The following CCSER1 variants were observed in gnomAD, a reference collection of about 807,000 sequenced individuals.
CCSER1 encodes coiled-coil serine rich protein 1.
Under a neutral mutation model 82.0 loss-of-function variants are expected in CCSER1, and 41 were observed. The observed-to-expected ratio is 0.50, with a 90% CI of 0.39 to 0.65. The LOEUF (loss-of-function observed/expected upper bound fraction) is 0.65, where lower values mean the gene tolerates loss of function less well. Among genes scored for constraint, CCSER1 ranks in the 30% least tolerant of loss-of-function variants. CCSER1 has a pLI of 0.00. For synonymous variants in CCSER1, 414 were observed against 383.9 expected (o/e 1.08, Z -0.92); for missense variants, 1,119 against 1,064.2 (o/e 1.05, Z -0.72).
At chr4:91,319,446 T>C (rs1023486655) in intron 10 of CCSER1, among the ~76,000 whole-genome samples, 1 of 152,004 alleles carries the variant, frequency 6.6e-6, no homozygotes, top group Non-Finnish European at 1.5e-5. Context: ...ATGTTCATTA[T>C]GTGTGAAGGT....
At chr4:90,835,053 G>A (rs769779852) in intron 8 of CCSER1, among the ~76,000 whole-genome samples, 1 of 151,574 alleles carries the variant, frequency 6.6e-6, no homozygotes, top group African/African-American at 2.4e-5. Flanking sequence ...CCTTTTTCTC[G>A]CTGGCCTGGT....
At chr4:91,180,291 C>T (rs1380045552) in intron 10 of CCSER1, among the ~76,000 whole-genome samples, 1 of 152,208 alleles carries the variant, frequency 6.6e-6, no homozygotes, top group Non-Finnish European at 1.5e-5. Flanking sequence ...TGTCCATTCT[C>T]AGATTTCAGA....
chr4:91,556,163 G>A (rs1490509412), intron 10 of CCSER1, among the ~76,000 whole-genome samples: 1 of 151,178 alleles, frequency 6.6e-6, no homozygotes, highest in African/African-American at 2.4e-5. Context: ...TGAAGGTCAG[G>A]CCCAAGAAAT....
chr4:90,653,483 G>A (rs1729155151), intron 6 of CCSER1, among the ~76,000 whole-genome samples: 1 of 151,850 alleles, frequency 6.6e-6, no homozygotes, highest in Non-Finnish European at 1.5e-5. Context: ...GAACCAATGA[G>A]ATAAATTAAT....
intron 6 of CCSER1, among the ~76,000 whole-genome samples, chr4:90,645,652 G>A (rs1240250138): frequency 2.6e-5 from 4 of 152,068 alleles, no homozygotes; most frequent in African/African-American, 9.7e-5. Flanking sequence ...TTAACTCTTG[G>A]TTTATGGTTT....
rs146395222 is a variant in CCSER1 at position 91,315,074 on chromosome 4, A to T, written c.2217+229080A>T. Among the ~76,000 whole-genome samples, 354 of 151,920 alleles carry T rather than the reference A, an allele frequency of 2.3e-3. 1 individual carries two copies. The highest frequency in any genetic ancestry group is 7.9e-3 in the African/African-American group (329 of 41,478). On this transcript the variant is annotated intron_variant, in intron 10 of 10. Transcript: ENST00000509176. ...GCCTCAGGATTCTCTCTACTAGGGG[A>T]TGAGGAAACTGTAGTATTTATTTAC...
chr4:91,345,931 A>T (rs1430849746), intron 10 of CCSER1, among the ~76,000 whole-genome samples: 6 of 152,164 alleles, frequency 3.9e-5, no homozygotes, highest in Non-Finnish European at 8.8e-5. Context: ...TGTTGAAATC[A>T]TAAGAGTATA....
At chr4:91,553,849 TA>T (rs1012034969) in intron 10 of CCSER1, among the ~76,000 whole-genome samples, 2 of 150,828 alleles carry the variant, frequency 1.3e-5, no homozygotes, top group Non-Finnish European at 3.0e-5. Flanking sequence ...ATCAATTTTT[TA>T]AAAAAAACCA....
intron 1 of CCSER1, among the ~76,000 whole-genome samples, chr4:90,182,302 T>G (rs1733867549): frequency 6.6e-6 from 1 of 152,164 alleles, no homozygotes. Context: ...CTCATTTTAT[T>G]TGACCTAAAA....
At chr4:91,063,535 T>C (rs1402824879) in intron 9 of CCSER1, among the ~76,000 whole-genome samples, 1 of 152,172 alleles carries the variant, frequency 6.6e-6, no homozygotes. Context: ...TAAAAATATG[T>C]TTATGATTTA....
chr4:90,355,846 A>C (rs1438931770), intron 3 of CCSER1, among the ~76,000 whole-genome samples: 1 of 151,996 alleles, frequency 6.6e-6, no homozygotes, highest in East Asian at 1.9e-4. Context: ...GTTTCCAAGG[A>C]CTTTATGGCT....
intron 10 of CCSER1, among the ~76,000 whole-genome samples, chr4:91,332,983 A>T (rs543194939): frequency 6.6e-6 from 1 of 152,168 alleles, no homozygotes; most frequent in Admixed American, 6.6e-5. Flanking sequence ...TTTCAAAATT[A>T]CTTGAGATGA....
chr4:90,180,481 C>T (rs1370247437), intron 1 of CCSER1, among the ~76,000 whole-genome samples: 2 of 151,700 alleles, frequency 1.3e-5, no homozygotes, highest in South Asian at 2.1e-4. Context: ...CCCAGCTACT[C>T]GGGAGGCTGA....
intron 1 of CCSER1, among the ~76,000 whole-genome samples, chr4:90,211,038 G>A (rs554775042): frequency 6.6e-6 from 1 of 152,216 alleles, no homozygotes; most frequent in East Asian, 1.9e-4. Flanking sequence ...TCTACTAGCT[G>A]TTAAAAACAG....
At chr4:91,528,895 T>G (rs1760896259) in intron 10 of CCSER1, among the ~76,000 whole-genome samples, 1 of 152,126 alleles carries the variant, frequency 6.6e-6, no homozygotes, top group Non-Finnish European at 1.5e-5. Context: ...TCCCAGGACT[T>G]CTGGGACACA....
chr4:90,607,282 C>T (rs554858238), intron 5 of CCSER1, among the ~76,000 whole-genome samples: 36 of 152,200 alleles, frequency 2.4e-4, no homozygotes, highest in African/African-American at 8.2e-4. Context: ...TAGAATAAAT[C>T]TTATGTGTTA....
intron 3 of CCSER1, among the ~76,000 whole-genome samples, chr4:90,324,514 G>T (rs1217675583): frequency 1.3e-5 from 2 of 150,460 alleles, no homozygotes; most frequent in Admixed American, 6.6e-5. Flanking sequence ...TTTTGATGGG[G>T]TTGTTTGTTT....
intron 8 of CCSER1, among the ~76,000 whole-genome samples, chr4:90,847,902 T>G (rs1763405307): frequency 6.6e-6 from 1 of 152,192 alleles, no homozygotes; most frequent in Admixed American, 6.5e-5. Flanking sequence ...TTGTTCTTTT[T>G]ACTCAAAGAC....
intron 10 of CCSER1, among the ~76,000 whole-genome samples, chr4:91,376,902 C>CCCCCGCTT (rs1553930092): frequency 8.4e-5 from 12 of 142,672 alleles, no homozygotes; most frequent in Non-Finnish European, 1.1e-4. Flanking sequence ...TACTATCCCT[C>CCCCCGCTT]CCCCCACCCA....
Sources: allele counts gnomAD v4.1 joint callset (sites outside exome capture counted in the v4.1 genomes callset), GRCh38; gene constraint gnomAD v4.1.1; transcripts MANE v1.5; gene names NCBI Gene and HGNC (gene_info 2026-07-23, HGNC 2026-07-21).